The following SLC15A4 variants were observed in gnomAD, a reference collection of about 807,000 sequenced individuals.
SLC15A4 encodes the protein hPHT1.
In SLC15A4, 26 loss-of-function variants were observed where a neutral mutation model predicts 46.1. The ratio of observed to expected loss-of-function variants is 0.56; its 90% CI spans 0.41 to 0.78. The LOEUF (loss-of-function observed/expected upper bound fraction) is 0.78. Ranked by LOEUF, SLC15A4 falls within the 30% of genes least tolerant of loss-of-function variation. The pLI, the probability that SLC15A4 is intolerant of heterozygous loss-of-function variation, is 0.00. For missense variants in SLC15A4, 751 were observed against 755.7 expected (o/e 0.99, Z 0.07); for synonymous variants, 370 against 333.4 (o/e 1.11, Z -1.20).
chr12:128,805,697 A>G (rs1955578255), intron 5 of SLC15A4, among the ~76,000 whole-genome samples: 1 of 152,124 alleles, frequency 6.6e-6, no homozygotes, highest in Non-Finnish European at 1.5e-5. Context: ...ACGCATGGCT[A>G]ATTTTAGTAT....
chr12:128,812,922 T>A (rs1250422109), intron 2 of SLC15A4, among the ~76,000 whole-genome samples: 1 of 152,146 alleles, frequency 6.6e-6, no homozygotes, highest in African/African-American at 2.4e-5. Context: ...AAGAAGACTT[T>A]CAAAGACTAT....
intron 7 of SLC15A4, among the ~76,000 whole-genome samples, chr12:128,797,409 A>G (rs1425943808): frequency 6.6e-6 from 1 of 152,134 alleles, no homozygotes; most frequent in Non-Finnish European, 1.5e-5. Flanking sequence ...GCAGTAAACT[A>G]AGGAGAGAGG....
At position 128,794,006 on chromosome 12, in the gene SLC15A4, G is replaced by A. The variant is rs1955415563; in HGVS notation, c.*190C>T. On this transcript the variant is annotated 3_prime_UTR_variant, in exon 8 of 8. Transcript: ENST00000266771. ...TCCTCCCGGAGGGCCCAGCGTGCCA[G>A]GAGACACGCTGCAGTAAGGCACTTA... The A allele has an allele frequency of 2.1e-6, 1 of 473,526 alleles. No individual in the cohort carries two copies. The highest frequency in any genetic ancestry group is 3.7e-6 in the Non-Finnish European group (1 of 273,328). 29.3% of individuals were successfully genotyped at this position (473,526 alleles called of 1,614,324 possible).
At chr12:128,797,139 C>T (rs1955454900) in intron 7 of SLC15A4, among the ~76,000 whole-genome samples, 1 of 152,040 alleles carries the variant, frequency 6.6e-6, no homozygotes, top group African/African-American at 2.4e-5. Flanking sequence ...AAGGAATGAG[C>T]GCACCCGCCC....
intron 2 of SLC15A4, chr12:128,813,409 A>G (rs1955692814): frequency 6.6e-6 from 1 of 152,252 alleles, no homozygotes; most frequent in Non-Finnish European, 1.5e-5. Flanking sequence ...TGGCATTTCC[A>G]ATAGGTCATG....
intron 2 of SLC15A4, chr12:128,814,274 C>CCTGACCGCT (rs1593013947): frequency 9.2e-5 from 12 of 130,382 alleles, no homozygotes; most frequent in East Asian, 2.3e-4. Context: ...ACCTGACCGC[C>CCTGACCGCT]GTATGATGGA....
intron 5 of SLC15A4, among the ~76,000 whole-genome samples, chr12:128,806,141 G>C (rs948767561): frequency 2.1e-5 from 3 of 145,216 alleles, no homozygotes; most frequent in African/African-American, 7.7e-5. Flanking sequence ...CTGCACTCCA[G>C]CCTGGGCGAC....
At chr12:128,804,399 T>TA (rs563009393) in intron 5 of SLC15A4, among the ~76,000 whole-genome samples, 83 of 152,282 alleles carry the variant, frequency 5.5e-4, no homozygotes, top group African/African-American at 1.2e-3. Context: ...TTCATAGCAT[T>TA]AAATTATCTT....
At chr12:128,794,800 G>A (rs1237789106) in intron 7 of SLC15A4, among the ~76,000 whole-genome samples, 1 of 152,196 alleles carries the variant, frequency 6.6e-6, no homozygotes, top group East Asian at 1.9e-4. Context: ...GGGGAAACCT[G>A]CCAACCCAGC....
At chr12:128,797,565 A>G (rs1955460951) in intron 7 of SLC15A4, among the ~76,000 whole-genome samples, 1 of 152,218 alleles carries the variant, frequency 6.6e-6, no homozygotes, top group African/African-American at 2.4e-5. Context: ...GGAGGTCGGT[A>G]AGAAAAACAC....
At chr12:128,802,155 C>A (rs1168740623) in intron 5 of SLC15A4, among the ~76,000 whole-genome samples, 1 of 152,130 alleles carries the variant, frequency 6.6e-6, no homozygotes, top group African/African-American at 2.4e-5. Context: ...GAAACATAAA[C>A]GCAGACCCAG....
intron 1 of SLC15A4, among the ~76,000 whole-genome samples, chr12:128,821,778 C>A (rs1335784600): frequency 1.3e-5 from 2 of 150,984 alleles, no homozygotes; most frequent in Non-Finnish European, 2.9e-5. Flanking sequence ...CTCAACTACT[C>A]AGGAGGCCGA....
chr12:128,794,124 T>C lies in SLC15A4; in HGVS notation c.*72A>G. On this transcript the variant is annotated 3_prime_UTR_variant, in exon 8 of 8. Coordinates refer to ENST00000266771, the MANE Select transcript of SLC15A4 (RefSeq NM_145648.4). Reference sequence around the variant, plus strand: ...GACATTTTATGGGAATTTAAAGTCTTGCCTGTTCTCAGTGCACCCCAGTCA... The same window carrying C: ...GACATTTTATGGGAATTTAAAGTCTCGCCTGTTCTCAGTGCACCCCAGTCA... 7 of 1,380,106 alleles carry C rather than the reference T, an allele frequency of 5.1e-6. No homozygotes were observed. The East Asian group carries it at 1.4e-4, about 27-fold the overall frequency. The allele number at this position is 1,380,106 out of a possible 1,614,324, so 85.5% of individuals were successfully genotyped here.
rs1328250921 is a variant in SLC15A4 at position 128,823,437 on chromosome 12, G to A, written c.507C>T (p.Ala169=). 1.4e-5 allele frequency: 20 copies of A among 1,462,630 alleles called. No homozygotes were observed. The highest frequency in any genetic ancestry group is 1.8e-5 in the Non-Finnish European group (20 of 1,114,974). The allele number at this position is 1,462,630 out of a possible 1,614,324, so 90.6% of individuals were successfully genotyped here. A position where few individuals can be genotyped will look rare whatever the true frequency, so the allele number is the denominator to read the frequency against. ...AGGGCGTGATGTTGGCCTTGACGGT[G>A]GCCACGCCCAGGCCCACCAGCACCA... ...AGLVLVGLGV[A]TVKANITPFG... Residue 169 remains alanine, a synonymous_variant, in exon 1 of 8, where the codon GCC becomes GCT. Transcript: ENST00000266771.
rs1235302589 is a variant in SLC15A4, at chr12:128,808,162, A to T, written c.1258+626T>A. On this transcript the variant is annotated intron_variant, in intron 5 of 7. Coordinates refer to ENST00000266771, the MANE Select transcript of SLC15A4 (RefSeq NM_145648.4). Reference sequence around the variant, plus strand: ...TACCCAGCTTTATCAGCAAAAGATAAACAACTCATTTCAGCACATAAAAAT... The same window carrying T: ...TACCCAGCTTTATCAGCAAAAGATATACAACTCATTTCAGCACATAAAAAT... 2.0e-5 allele frequency among the ~76,000 whole-genome samples: 3 copies of T among 152,254 alleles called. No homozygotes were observed. The East Asian group carries it at 5.8e-4, about 29-fold the overall frequency.
chr12:128,818,394 A>G (rs1955788109), intron 1 of SLC15A4, among the ~76,000 whole-genome samples: 1 of 152,206 alleles, frequency 6.6e-6, no homozygotes, highest in African/African-American at 2.4e-5. Context: ...AAAGAACCAT[A>G]AAAAGCACCT....
At chr12:128,817,856 C>A (rs576409375) in intron 1 of SLC15A4, among the ~76,000 whole-genome samples, 1 of 152,202 alleles carries the variant, frequency 6.6e-6, no homozygotes, top group African/African-American at 2.4e-5. Flanking sequence ...CAGCCCCTGG[C>A]GAGCAGGCCA....
At chr12:128,814,716 T>G in intron 2 of SLC15A4, 59 bp downstream of exon 2, 1 of 1,557,798 alleles carries the variant, frequency 6.4e-7, no homozygotes, top group Non-Finnish European at 8.8e-7. Context: ...AGCTAGGATG[T>G]TAATAAAGAG....
intron 7 of SLC15A4, among the ~76,000 whole-genome samples, chr12:128,796,017 G>T (rs907822781): frequency 6.6e-6 from 1 of 152,224 alleles, no homozygotes; most frequent in Non-Finnish European, 1.5e-5. Flanking sequence ...TTTAAAAAGT[G>T]AGACTTCCTT....
Sources: gnomAD v4.1 joint callset for allele counts (sites outside exome capture counted in the v4.1 genomes callset) on GRCh38, gnomAD v4.1.1 for gene constraint, MANE v1.5 for transcripts, NCBI Gene and HGNC (gene_info 2026-07-23, HGNC 2026-07-21) for gene names.